Variants in EYA4 observed in about 807,000 individuals in gnomAD.
EYA4 encodes the protein EYA transcriptional coactivator and phosphatase 4, also known as protein phosphatase EYA4.
Under a neutral mutation model 87.9 loss-of-function variants are expected in EYA4, and 31 were observed. That is an observed-to-expected ratio of 0.35 (90% CI 0.27 to 0.48). The LOEUF (loss-of-function observed/expected upper bound fraction) is 0.48, where lower values mean the gene tolerates loss of function less well. Ranked by LOEUF, EYA4 falls within the 20% of genes least tolerant of loss-of-function variation. The pLI is 0.99. For synonymous variants in EYA4, 263 were observed against 270.6 expected, an observed-to-expected ratio of 0.97 and a Z score of 0.28; for missense variants, 678 against 761.4, an observed-to-expected ratio of 0.89 and a Z score of 1.29.
chr6:133,431,977 T>C (rs1791225150), intron 3 of EYA4, among the ~76,000 whole-genome samples: 1 of 151,956 alleles, frequency 6.6e-6, no homozygotes, highest in African/African-American at 2.4e-5. Context: ...CAATATCTTT[T>C]TCATGAGGGC....
chr6:133,415,624 G>A (rs1789647618), intron 3 of EYA4, among the ~76,000 whole-genome samples: 1 of 152,086 alleles, frequency 6.6e-6, no homozygotes, highest in Admixed American at 6.5e-5. Context: ...CTCTGCTTCA[G>A]GTTTTCTCCT....
chr6:133,332,545 C>CT (rs202209158), intron 2 of EYA4, among the ~76,000 whole-genome samples: 11 of 150,716 alleles, frequency 7.3e-5, no homozygotes, highest in Admixed American at 4.0e-4. Flanking sequence ...TTGAGGCTTT[C>CT]TTTTTTTTTG....
chr6:133,481,339 A>C lies in EYA4; in HGVS notation c.971-124A>C, dbSNP rs924354417. On this transcript the variant is annotated intron_variant, in intron 11 of 19. Coordinates refer to ENST00000355286, the MANE Select transcript of EYA4 (RefSeq NM_004100.5). ...TGACTTGTGTGTGCTTGGGATTATA[A>C]ATCTCTTTTTTGCCATCAGGAGGTT... The C allele has an allele frequency of 4.2e-5, 38 of 913,414 alleles. 2 individuals carry two copies. The Admixed American group carries it at 4.9e-4, about 12-fold the overall frequency. 56.6% of individuals were successfully genotyped at this position (913,414 alleles called of 1,614,324 possible).
chr6:133,275,274 T>G (rs1777071382), intron 2 of EYA4, among the ~76,000 whole-genome samples: 1 of 152,180 alleles, frequency 6.6e-6, no homozygotes, highest in Non-Finnish European at 1.5e-5. Context: ...GGACCAAGAA[T>G]GCACCAGCTT....
chr6:133,409,894 C>A (rs1363008195), intron 3 of EYA4, among the ~76,000 whole-genome samples: 1 of 152,092 alleles, frequency 6.6e-6, no homozygotes, highest in African/African-American at 2.4e-5. Flanking sequence ...ATTGTCTTAT[C>A]ATTTTACTAA....
intron 3 of EYA4, among the ~76,000 whole-genome samples, chr6:133,393,224 G>C (rs1489896778): frequency 6.6e-6 from 1 of 152,096 alleles, no homozygotes; most frequent in Non-Finnish European, 1.5e-5. Context: ...GCCAACTCTA[G>C]ATGGTAATAG....
chr6:133,295,785 T>C (rs1028892791), intron 2 of EYA4, among the ~76,000 whole-genome samples: 9 of 152,190 alleles, frequency 5.9e-5, no homozygotes, highest in Non-Finnish European at 1.3e-4. Flanking sequence ...TTATTATTCA[T>C]TGATGGATGT....
chr6:133,389,227 A>G (rs1487795005), intron 3 of EYA4, among the ~76,000 whole-genome samples: 1 of 152,192 alleles, frequency 6.6e-6, no homozygotes, highest in Non-Finnish European at 1.5e-5. Flanking sequence ...TGTGATATGA[A>G]AGGAGAGATT....
chr6:133,268,898 G>C (rs1022089320), intron 1 of EYA4, among the ~76,000 whole-genome samples: 3 of 152,096 alleles, frequency 2.0e-5, no homozygotes, highest in Admixed American at 1.3e-4. Context: ...CACACCCCAT[G>C]CTGTCCCAAC....
At chr6:133,303,592 T>C (rs1779580401) in intron 2 of EYA4, among the ~76,000 whole-genome samples, 1 of 152,212 alleles carries the variant, frequency 6.6e-6, no homozygotes, top group Non-Finnish European at 1.5e-5. Context: ...GTTGTAGATA[T>C]TTTGAATACT....
chr6:133,422,938 TG>T, intron 3 of EYA4, among the ~76,000 whole-genome samples: 1 of 152,310 alleles, frequency 6.6e-6, no homozygotes, highest in South Asian at 2.1e-4. Flanking sequence ...GCAACAGTTT[TG>T]TTTTCTCTCT....
chr6:133,368,303 A>G lies in EYA4; in HGVS notation c.34-14089A>G, dbSNP rs1171829208. Among the ~76,000 whole-genome samples, 4 of 152,212 alleles carry G rather than the reference A, an allele frequency of 2.6e-5. No individual in the cohort carries two copies. The East Asian group carries it at 7.7e-4, about 29-fold the overall frequency. ...TCCTACCTCGCCCCGCTTTAAGATT[A>G]GGGAAGAAAATTACAATCCACCCAG... On this transcript the variant is annotated intron_variant, in intron 2 of 19. Transcript: ENST00000355286.
intron 3 of EYA4, among the ~76,000 whole-genome samples, chr6:133,382,948 G>A (rs767647875): frequency 3.3e-5 from 5 of 152,146 alleles, no homozygotes; most frequent in Non-Finnish European, 4.4e-5. Flanking sequence ...AAGTGGTGAG[G>A]CCACTTCATA....
chr6:133,421,125 G>A (rs151130689), intron 3 of EYA4, among the ~76,000 whole-genome samples: 177 of 152,168 alleles, frequency 1.2e-3, no homozygotes, highest in African/African-American at 3.9e-3. Flanking sequence ...GGCTAGTTAC[G>A]GCCTCATTAT....
intron 2 of EYA4, among the ~76,000 whole-genome samples, chr6:133,319,263 A>G (rs1352563799): frequency 6.6e-6 from 1 of 152,250 alleles, no homozygotes; most frequent in African/African-American, 2.4e-5. Context: ...GAATTTCAGA[A>G]CAAGGCATAA....
At chr6:133,372,458 A>G (rs868753750) in intron 2 of EYA4, among the ~76,000 whole-genome samples, 1 of 64,030 alleles carries the variant, frequency 1.6e-5, no homozygotes, top group Non-Finnish European at 3.7e-5. Context: ...AACAATGGTT[A>G]TAGAAGAGAG....
chr6:133,391,154 A>G (rs897748343), intron 3 of EYA4, among the ~76,000 whole-genome samples: 5 of 151,552 alleles, frequency 3.3e-5, no homozygotes, highest in African/African-American at 4.9e-5. Context: ...GGTTGCAGCT[A>G]CTGTTGTCAG....
At chr6:133,251,888 C>T (rs1292418925) in intron 1 of EYA4, among the ~76,000 whole-genome samples, 1 of 152,188 alleles carries the variant, frequency 6.6e-6, no homozygotes, top group African/African-American at 2.4e-5. Context: ...TGTGGAGAAT[C>T]CTAATACCTT....
At chr6:133,520,802 T>C (rs557995537) in intron 17 of EYA4, among the ~76,000 whole-genome samples, 34 of 152,028 alleles carry the variant, frequency 2.2e-4, no homozygotes, top group Non-Finnish European at 4.4e-4. Flanking sequence ...CCCTCAGAAA[T>C]AACACCGCCT....
Sources: allele counts gnomAD v4.1 joint callset (sites outside exome capture counted in the v4.1 genomes callset), GRCh38; gene constraint gnomAD v4.1.1; transcripts MANE v1.5; gene names NCBI Gene and HGNC (gene_info 2026-07-23, HGNC 2026-07-21).